Variants in KHDC1 observed in about 807,000 individuals in gnomAD.
KHDC1 encodes the protein KH domain containing 1.
In KHDC1, 21 loss-of-function variants were observed where a neutral mutation model predicts 24.7. The ratio of observed to expected loss-of-function variants is 0.85; its 90% CI spans 0.60 to 1.23. The LOEUF (loss-of-function observed/expected upper bound fraction) is 1.23. KHDC1 is among the 50% of genes most tolerant of loss of function. The pLI is 0.00. For synonymous variants in KHDC1, 98 were observed against 111.7 expected, an observed-to-expected ratio of 0.88 and a Z score of 0.77; for missense variants, 274 against 298.5, an observed-to-expected ratio of 0.92 and a Z score of 0.61.
chr6:73,270,848 G>A (rs1404840672), intron 2 of KHDC1, among the ~76,000 whole-genome samples: 4 of 151,678 alleles, frequency 2.6e-5, no homozygotes, highest in Non-Finnish European at 4.4e-5. Context: ...GTGCCACCAC[G>A]CCTGGCTAAT....
At chr6:73,245,244 T>C (rs1766645937) in intron 2 of KHDC1, among the ~76,000 whole-genome samples, 1 of 152,186 alleles carries the variant, frequency 6.6e-6, no homozygotes, top group African/African-American at 2.4e-5. Context: ...CTAAAGATCA[T>C]TGTTCTGGAA....
intron 2 of KHDC1, among the ~76,000 whole-genome samples, chr6:73,248,609 A>T (rs189362138): frequency 6.6e-6 from 1 of 152,356 alleles, no homozygotes; most frequent in East Asian, 1.9e-4. Flanking sequence ...TAAACAGAAA[A>T]GAGGGAGTTA....
At chr6:73,301,287 G>A (rs932631699) in intron 1 of KHDC1, 2 of 151,880 alleles carry the variant, frequency 1.3e-5, no homozygotes, top group Non-Finnish European at 2.9e-5. Flanking sequence ...TTTTGAACAG[G>A]CATTTTAAAA....
intron 1 of KHDC1, chr6:73,299,479 G>A (rs574453560): frequency 8.7e-4 from 132 of 152,546 alleles, no homozygotes; most frequent in Middle Eastern, 3.1e-3. Flanking sequence ...GCCATCCAAC[G>A]TCCCCCCACC....
chr6:73,276,689 T>C (rs1446147283), intron 2 of KHDC1, among the ~76,000 whole-genome samples: 1 of 151,816 alleles, frequency 6.6e-6, no homozygotes, highest in East Asian at 1.9e-4. Context: ...TTGTAAACTG[T>C]GATCCACACC....
chr6:73,241,560 G>A lies in KHDC1; in HGVS notation c.683C>T (p.Ser228Leu), dbSNP rs377743187. Residue 228 changes from serine (S) to leucine (L), a missense_variant, in exon 5 of 5, where the codon TCG becomes TTG. By Grantham distance (145) the Ser-to-Leu change is moderately radical (BLOSUM62 -2). Transcript: ENST00000370384. ...ATACAGTGAACTCAAATGGAAACCC[G>A]AACAACCAATCACTTGGTAAGGGGA... 303 of 1,613,956 alleles carry A rather than the reference G, an allele frequency of 1.9e-4. No individual in the cohort carries two copies. The highest frequency in any genetic ancestry group is 2.3e-4 in the Non-Finnish European group (267 of 1,180,012).
rs202065785 is a variant in KHDC1 at position 73,242,217 on chromosome 6, G to A, written c.352C>T (p.Arg118Cys). The change falls in exon 4 of 5, where the codon CGC becomes TGC. Residue 118 changes from arginine (R) to cysteine (C), a missense_variant. Transcript: ENST00000370384. ...GTGTGGCTGTGCACCTCAATGCAGCGAAGGTATGTGTCACCATGCCCTGTG... is the reference window on the plus strand; with the variant it reads ...GTGTGGCTGTGCACCTCAATGCAGCAAAGGTATGTGTCACCATGCCCTGTG... 1.7e-4 allele frequency: 281 copies of A among 1,613,426 alleles called. 1 individual carries two copies. In the Middle Eastern group the frequency reaches 1.8e-3, roughly 10 times the overall value.
chr6:73,308,024 T>G (rs1341434252), intron 1 of KHDC1, among the ~76,000 whole-genome samples: 1 of 150,674 alleles, frequency 6.6e-6, no homozygotes, highest in African/African-American at 2.4e-5. Flanking sequence ...TGCCTCAGCC[T>G]CCCGAGTAGC....
At chr6:73,272,879 G>C (rs1767208718) in intron 2 of KHDC1, among the ~76,000 whole-genome samples, 1 of 135,570 alleles carries the variant, frequency 7.4e-6, no homozygotes, top group Non-Finnish European at 1.5e-5. Flanking sequence ...TTTTTTTGGA[G>C]ATGGAGTCTC....
chr6:73,287,644 TAC>T (rs1488270069), intron 2 of KHDC1, among the ~76,000 whole-genome samples: 7 of 152,184 alleles, frequency 4.6e-5, no homozygotes, highest in African/African-American at 1.7e-4. Flanking sequence ...CAAAGGAACC[TAC>T]AGTCATTTAC....
intron 1 of KHDC1, chr6:73,299,541 A>C (rs974650568): frequency 1.3e-5 from 2 of 152,618 alleles, no homozygotes; most frequent in East Asian, 3.9e-4. Flanking sequence ...GGTGGCGTCA[A>C]GGAGCCGCCC....
intron 1 of KHDC1, among the ~76,000 whole-genome samples, chr6:73,302,306 A>G (rs1345513942): frequency 6.6e-6 from 1 of 152,120 alleles, no homozygotes; most frequent in Admixed American, 6.5e-5. Context: ...TAGATAAAAG[A>G]AAAGAAAAGA....
At chr6:73,241,980 A>T in intron 4 of KHDC1, 75 bp downstream of exon 3, 2 of 1,470,584 alleles carry the variant, frequency 1.4e-6, no homozygotes, top group Non-Finnish European at 1.8e-6. Flanking sequence ...ATTCTTCAAG[A>T]ATCCAAGATG....
chr6:73,289,350 A>T (rs1582581162), intron 2 of KHDC1, among the ~76,000 whole-genome samples: 1 of 149,242 alleles, frequency 6.7e-6, no homozygotes, highest in South Asian at 2.1e-4. Context: ...AAAAAAAAAA[A>T]AAAAAAAAAG....
chr6:73,278,440 T>G (rs11962073), intron 2 of KHDC1, among the ~76,000 whole-genome samples: 5,617 of 152,240 alleles, frequency 0.037, 336 homozygotes, highest in African/African-American at 0.13. Context: ...CCCAGGCTGG[T>G]CTTGAACTCC....
At chr6:73,269,619 G>T (rs1301881246) in intron 2 of KHDC1, 7 of 151,606 alleles carry the variant, frequency 4.6e-5, no homozygotes, top group Admixed American at 3.9e-4. Flanking sequence ...TTTGCTAATG[G>T]TTTCCTGTGG....
intron 1 of KHDC1, chr6:73,309,461 G>A: frequency 7.7e-7 from 1 of 1,306,176 alleles, no homozygotes; most frequent in Non-Finnish European, 1.0e-6. Flanking sequence ...AGGAGCTGGA[G>A]TGATCCTGAA....
upstream of KHDC1, chr6:73,310,242 G>A (rs1768056961): frequency 6.3e-6 from 1 of 159,052 alleles, no homozygotes; most frequent in Non-Finnish European, 1.4e-5. Context: ...GGCACCCGAA[G>A]GTGCTGTCCC....
intron 2 of KHDC1, among the ~76,000 whole-genome samples, chr6:73,246,966 A>G (rs1346944616): frequency 6.6e-6 from 1 of 151,930 alleles, no homozygotes; most frequent in African/African-American, 2.4e-5. Context: ...AAAAAAAAAT[A>G]AGTCAACTTT....
Sources: allele counts gnomAD v4.1 joint callset (sites outside exome capture counted in the v4.1 genomes callset), GRCh38; gene constraint gnomAD v4.1.1; transcripts MANE v1.5; gene names NCBI Gene and HGNC (gene_info 2026-07-23, HGNC 2026-07-21).